Variants in UBXN11 observed in about 807,000 individuals in gnomAD.
The protein encoded by UBXN11 is UBX domain protein 11, also known as UBX domain-containing protein 11.
Under a neutral mutation model 62.8 loss-of-function variants are expected in UBXN11, and 47 were observed. The observed-to-expected ratio is 0.75, with a 90% CI of 0.59 to 0.95. The LOEUF (loss-of-function observed/expected upper bound fraction) is 0.95. Ranked by LOEUF, UBXN11 falls within the 40% of genes least tolerant of loss-of-function variation. The pLI is 0.00. For missense variants in UBXN11, 638 were observed against 661.7 expected, an observed-to-expected ratio of 0.96 and a Z score of 0.39; for synonymous variants, 294 against 267.0, an observed-to-expected ratio of 1.10 and a Z score of -0.99.
intron 8 of UBXN11, among the ~76,000 whole-genome samples, chr1:26,291,861 C>T (rs907437797): frequency 1.3e-5 from 2 of 152,216 alleles, no homozygotes; most frequent in African/African-American, 4.8e-5. Flanking sequence ...GCAGCAGGGA[C>T]ACGCTCCCCT....
intron 3 of UBXN11, 139 bp downstream of exon 3, chr1:26,301,554 TG>T: frequency 8.3e-7 from 1 of 1,202,018 alleles, no homozygotes; most frequent in South Asian, 1.5e-5. Flanking sequence ...GAGGACAGCA[TG>T]GGAGCTGCAC....
At chr1:26,308,782 CG>C (rs550016918), upstream of UBXN11, among the ~76,000 whole-genome samples, 159 of 152,202 alleles carry the variant, frequency 1.0e-3, 1 homozygote, top group African/African-American at 3.4e-3. Context: ...AGAACCAGAT[CG>C]TGAGTGGCAT....
At chr1:26,307,021 C>T (rs2073686233), upstream of UBXN11, 1 of 152,326 alleles carries the variant, frequency 6.6e-6, no homozygotes, top group South Asian at 2.1e-4. Context: ...AGTATTGTAA[C>T]ACGAAGTACT....
intron 10 of UBXN11, 25 bp from the exon 11 acceptor site, chr1:26,284,507 GGCAGC>G (rs771735843): frequency 3.2e-5 from 51 of 1,571,578 alleles, no homozygotes; most frequent in Non-Finnish European, 4.2e-5. Context: ...GGGCAACGAC[GGCAGC>G]GGACCCAGCT....
chr1:26,293,958 GTC>G (rs376875676), intron 8 of UBXN11, among the ~76,000 whole-genome samples: 32 of 152,206 alleles, frequency 2.1e-4, no homozygotes, highest in African/African-American at 7.2e-4. Flanking sequence ...GTATCTCTGG[GTC>G]TCTGACAGAT....
chr1:26,287,906 CTT>C (rs11307343), intron 8 of UBXN11, among the ~76,000 whole-genome samples: 258 of 138,966 alleles, frequency 1.9e-3, no homozygotes, highest in Non-Finnish European at 1.9e-3. Context: ...TGCCTCAACC[CTT>C]TTTTTTTTTT....
chr1:26,296,170 G>A (rs2073387397), intron 7 of UBXN11, among the ~76,000 whole-genome samples: 1 of 152,252 alleles, frequency 6.6e-6, no homozygotes, highest in African/African-American at 2.4e-5. Context: ...TGTGCCTGGT[G>A]TCCCTCTAGT....
At chr1:26,289,045 G>A (rs988120981) in intron 8 of UBXN11, among the ~76,000 whole-genome samples, 2 of 152,132 alleles carry the variant, frequency 1.3e-5, no homozygotes, top group Non-Finnish European at 2.9e-5. Flanking sequence ...ATTAAAATGA[G>A]AAGGGAGCTC....
intron 8 of UBXN11, 131 bp downstream of exon 8, chr1:26,294,074 G>A: frequency 7.1e-7 from 1 of 1,404,892 alleles, no homozygotes; most frequent in South Asian, 1.3e-5. Context: ...GGGGCAAGTT[G>A]TGGGCTCTCA....
intron 8 of UBXN11, 140 bp downstream of exon 8, chr1:26,294,065 G>C: frequency 7.5e-7 from 1 of 1,325,332 alleles, no homozygotes; most frequent in Non-Finnish European, 1.0e-6. Flanking sequence ...ATTGTCTCAG[G>C]GGCAAGTTGT....
rs2073518652 is a variant in UBXN11 at position 26,300,960 on chromosome 1, G to A, written c.165C>T (p.Cys55=). 3 of 1,614,118 alleles carry A rather than the reference G, an allele frequency of 1.9e-6. No homozygotes were observed. The highest frequency in any genetic ancestry group is 1.7e-5 in the Admixed American group (1 of 60,006). ...GSEEKISVPS[C]YGGIGAPVSR... is the part of the protein sequence containing the mutation. ...TCACAGGGGCACCTATGCCGCCATA[G>A]CAGGAAGGGACTGAGATCTTTTCTT... Residue 55 remains cysteine, a synonymous_variant, in exon 4 of 15, where the codon TGC becomes TGT. Coordinates refer to ENST00000374222, the MANE Select transcript of UBXN11 (RefSeq NM_001389556.1).
chr1:26,285,237 G>A (rs950559719), intron 10 of UBXN11: 61 of 1,318,606 alleles, frequency 4.6e-5, no homozygotes, highest in Admixed American at 1.7e-4. Context: ...CCCCGCAGCC[G>A]AGGCTGTCTC....
At chr1:26,311,284 G>T (rs1225421527), upstream of UBXN11, among the ~76,000 whole-genome samples, 1 of 149,408 alleles carries the variant, frequency 6.7e-6, no homozygotes, top group Non-Finnish European at 1.5e-5. Context: ...GATTACAGGT[G>T]CCCACCACCA....
upstream of UBXN11, among the ~76,000 whole-genome samples, chr1:26,308,366 C>T (rs540658310): frequency 3.3e-5 from 5 of 152,108 alleles, no homozygotes; most frequent in East Asian, 9.6e-4. Flanking sequence ...AGGCAGGAAG[C>T]AGAAGTGGAT....
intron 12 of UBXN11, among the ~76,000 whole-genome samples, chr1:26,283,271 A>G (rs1048732350): frequency 3.3e-5 from 5 of 152,160 alleles, no homozygotes; most frequent in Non-Finnish European, 5.9e-5. Context: ...CTGAAGGATG[A>G]ATGGGAGTCC....
chr1:26,282,618 C>A (rs552206395), intron 14 of UBXN11, 31 bp downstream of exon 14: 1 of 1,613,246 alleles, frequency 6.2e-7, no homozygotes, highest in African/African-American at 1.3e-5. Context: ...ACCAGAGCCC[C>A]TCTGTGGCCC....
chr1:26,296,852 G>A, intron 7 of UBXN11, 67 bp downstream of exon 7: 2 of 1,514,622 alleles, frequency 1.3e-6, no homozygotes, highest in South Asian at 1.2e-5. Flanking sequence ...CCCAGCTCCT[G>A]AGGAACATGC....
intron 8 of UBXN11, among the ~76,000 whole-genome samples, chr1:26,286,544 A>G (rs567640068): frequency 2.0e-5 from 3 of 152,282 alleles, no homozygotes; most frequent in East Asian, 1.9e-4. Context: ...AATGGATGAC[A>G]GTAGTATCTG....
rs146206558 is a variant in UBXN11 at position 26,316,532 on chromosome 1, C to A, written c.-149+1515G>T. Among the ~76,000 whole-genome samples the A allele has an allele frequency of 7.2e-5, 11 of 151,998 alleles. No individual in the cohort carries two copies. The East Asian group carries it at 2.1e-3, about 29-fold the overall frequency. On this transcript the variant is annotated intron_variant, in intron 1 of 14. Transcript: ENST00000374217. The stretch of plus-strand genomic sequence containing the variant: ...GGAATCAAGACTTAATGGATGAATT[C>A]TAGGGCAGCCCCAGAGGTTACATAC...
Sources: allele counts gnomAD v4.1 joint callset (sites outside exome capture counted in the v4.1 genomes callset), GRCh38; gene constraint gnomAD v4.1.1; transcripts MANE v1.5; gene names NCBI Gene and HGNC (gene_info 2026-07-23, HGNC 2026-07-21).